The following SYNE2 variants were observed in gnomAD, a reference collection of about 807,000 sequenced individuals.
The protein encoded by SYNE2 is nesprin-2.
Under a neutral mutation model 856.3 loss-of-function variants are expected in SYNE2, and 431 were observed. That is an observed-to-expected ratio of 0.50 (90% CI 0.47 to 0.55). SYNE2 has a LOEUF of 0.55. Among genes scored for constraint, SYNE2 ranks in the 20% least tolerant of loss-of-function variants. SYNE2 has a pLI of 0.00. For synonymous variants in SYNE2, 2,923 were observed against 2,872.3 expected (o/e 1.02, Z -0.56); for missense variants, 8,129 against 8,023.2 (o/e 1.01, Z -0.50).
chr14:64,129,115 CTGGCCAGCA>C (rs1222968068), intron 74 of SYNE2, among the ~76,000 whole-genome samples: 1 of 151,746 alleles, frequency 6.6e-6, no homozygotes, highest in Admixed American at 6.6e-5. Flanking sequence ...TAAGACCAGC[CTGGCCAGCA>C]TGGCAAACCC....
At chr14:63,847,389 C>G (rs998910167) in intron 1 of SYNE2, among the ~76,000 whole-genome samples, 1 of 151,602 alleles carries the variant, frequency 6.6e-6, no homozygotes, top group African/African-American at 2.4e-5. Flanking sequence ...CCCAGGAGGT[C>G]GAGGCTGCAA....
chr14:63,944,278 T>TTATATATATATATATATATATATATA (rs71123818), intron 6 of SYNE2, among the ~76,000 whole-genome samples: 3 of 144,046 alleles, frequency 2.1e-5, no homozygotes, highest in African/African-American at 7.7e-5. Flanking sequence ...TTCTGAATTT[T>TTATATATATATATATATATATATATA]TATATATATA....
chr14:64,164,716 G>C (rs1281855429), intron 89 of SYNE2, among the ~76,000 whole-genome samples: 2 of 152,136 alleles, frequency 1.3e-5, no homozygotes, highest in African/African-American at 2.4e-5. Flanking sequence ...CTCTCTATGT[G>C]GTCTCCTCAG....
chr14:63,942,946 A>G (rs1027155196), intron 6 of SYNE2, among the ~76,000 whole-genome samples: 8 of 152,142 alleles, frequency 5.3e-5, no homozygotes, highest in African/African-American at 1.7e-4. Flanking sequence ...CTATTTTTCA[A>G]TTGAAAGTTG....
chr14:63,937,570 A>G (rs989680239), intron 2 of SYNE2, among the ~76,000 whole-genome samples: 1 of 151,992 alleles, frequency 6.6e-6, no homozygotes, highest in East Asian at 1.9e-4. Flanking sequence ...GCTGAGTTTA[A>G]TGATGAGGGA....
intron 1 of SYNE2, among the ~76,000 whole-genome samples, chr14:63,775,289 T>C (rs1424392693): frequency 6.6e-6 from 1 of 151,822 alleles, no homozygotes; most frequent in Non-Finnish European, 1.5e-5. Flanking sequence ...TTTACTTATT[T>C]TTTGAGATGG....
chr14:63,791,255 C>T (rs558551420), intron 1 of SYNE2, among the ~76,000 whole-genome samples: 27 of 152,262 alleles, frequency 1.8e-4, no homozygotes, highest in African/African-American at 6.5e-4. Flanking sequence ...AACCAGTGTC[C>T]AGCCAGAGTG....
chr14:64,225,290 A>G, intron 115 of SYNE2, 29 bp from the exon 116 acceptor site: 1 of 1,614,036 alleles, frequency 6.2e-7, no homozygotes, highest in African/African-American at 1.3e-5. Context: ...GGAGCCTCCC[A>G]ATCAGCTCTC....
intron 1 of SYNE2, among the ~76,000 whole-genome samples, chr14:63,899,162 T>C (rs575698107): frequency 6.0e-4 from 92 of 152,280 alleles, no homozygotes; most frequent in Non-Finnish European, 1.0e-3. Context: ...TGATTTCACA[T>C]TTGTGAATGT....
intron 1 of SYNE2, among the ~76,000 whole-genome samples, chr14:63,896,077 A>G (rs1046840803): frequency 3.3e-5 from 5 of 152,224 alleles, no homozygotes; most frequent in African/African-American, 1.2e-4. Context: ...CTATAAAGTC[A>G]TTTGTAGTTG....
chr14:64,057,454 C>A (rs2097281339), intron 49 of SYNE2, among the ~76,000 whole-genome samples: 1 of 151,966 alleles, frequency 6.6e-6, no homozygotes, highest in Non-Finnish European at 1.5e-5. Context: ...GACAGGATTT[C>A]ATTTTTTTTT....
At chr14:64,093,527 G>A (rs368330854) in intron 61 of SYNE2, 47 bp downstream of exon 61, 5 of 1,611,598 alleles carry the variant, frequency 3.1e-6, no homozygotes, top group Non-Finnish European at 4.2e-6. Flanking sequence ...GTCCATCAGT[G>A]CATTTATTTA....
At chr14:64,170,880 A>T (rs1057115010) in intron 94 of SYNE2, among the ~76,000 whole-genome samples, 2 of 152,196 alleles carry the variant, frequency 1.3e-5, no homozygotes, top group Non-Finnish European at 2.9e-5. Context: ...TAGAATGAAT[A>T]AGACCTACTA....
chr14:64,090,745 A>G, intron 59 of SYNE2, 121 bp from the exon 60 acceptor site: 1 of 900,530 alleles, frequency 1.1e-6, no homozygotes, highest in Non-Finnish European at 1.7e-6. Flanking sequence ...AATCTGAGCT[A>G]AGAAATTATT....
chr14:64,208,105 A>G (rs550930953), intron 100 of SYNE2: 20 of 455,990 alleles, frequency 4.4e-5, no homozygotes, highest in South Asian at 2.9e-4. Context: ...CTGCATCACT[A>G]TCATCATCAA....
intron 58 of SYNE2, among the ~76,000 whole-genome samples, chr14:64,088,404 C>T (rs888553746): frequency 3.3e-5 from 5 of 152,178 alleles, no homozygotes; most frequent in African/African-American, 1.2e-4. Flanking sequence ...TCAGTGTTTT[C>T]TCTTTGTCAA....
chr14:63,896,178 A>T (rs185786006), intron 1 of SYNE2, among the ~76,000 whole-genome samples: 4 of 152,358 alleles, frequency 2.6e-5, no homozygotes, highest in Admixed American at 2.6e-4. Context: ...GATGCCTAGG[A>T]TCACAGTTTT....
chr14:64,090,284 C>T (rs1167382813), intron 59 of SYNE2, among the ~76,000 whole-genome samples: 1 of 152,212 alleles, frequency 6.6e-6, no homozygotes, highest in Non-Finnish European at 1.5e-5. Context: ...GGTTAGGATA[C>T]TTACCTCTCG....
At chr14:63,884,879 A>G (rs1255750930) in intron 1 of SYNE2, among the ~76,000 whole-genome samples, 1 of 152,006 alleles carries the variant, frequency 6.6e-6, no homozygotes, top group East Asian at 1.9e-4. Context: ...TGACCTTGTG[A>G]TCCGCCCGCC....
Sources: allele counts gnomAD v4.1 joint callset (sites outside exome capture counted in the v4.1 genomes callset), GRCh38; gene constraint gnomAD v4.1.1; transcripts MANE v1.5; gene names NCBI Gene and HGNC (gene_info 2026-07-23, HGNC 2026-07-21).